Variants in EIPR1 observed in about 807,000 individuals in gnomAD.
EIPR1 encodes the protein EARP complex and GARP complex interacting protein 1.
EIPR1 carries 25 observed loss-of-function variants against 48.1 expected under a neutral mutation model. That is an observed-to-expected ratio of 0.52 (90% confidence interval 0.38 to 0.73). EIPR1 has a LOEUF of 0.73. Ranked by LOEUF, EIPR1 falls within the 30% of genes least tolerant of loss-of-function variation. The pLI is 0.00. For missense variants in EIPR1, 415 were observed against 506.2 expected (o/e 0.82, Z 1.73); for synonymous variants, 204 against 201.9 (o/e 1.01, Z -0.09).
intron 4 of EIPR1, 42 bp from the exon 5 acceptor site, chr2:3,214,290 A>C (rs1665555092): frequency 6.4e-7 from 1 of 1,568,220 alleles, no homozygotes; most frequent in African/African-American, 1.3e-5. Flanking sequence ...TAAACATTTG[A>C]GATACCCAGG....
chr2:3,369,298 C>A (rs1027820467), intron 1 of EIPR1, among the ~76,000 whole-genome samples: 2 of 152,222 alleles, frequency 1.3e-5, no homozygotes, highest in African/African-American at 2.4e-5. Context: ...GAGCTCCCAG[C>A]GTGAGCAACG....
intron 3 of EIPR1, among the ~76,000 whole-genome samples, chr2:3,326,896 A>C (rs1669714105): frequency 6.6e-6 from 1 of 152,254 alleles, no homozygotes; most frequent in Non-Finnish European, 1.5e-5. Flanking sequence ...GCTATGATGT[A>C]GCAAAATGGC....
At chr2:3,295,614 CA>C (rs1668546217) in intron 3 of EIPR1, among the ~76,000 whole-genome samples, 1 of 116,916 alleles carries the variant, frequency 8.6e-6, no homozygotes, top group African/African-American at 3.4e-5. Flanking sequence ...CACCCTCCAT[CA>C]AGCCCATCCT....
chr2:3,282,253 G>C (rs1051671699), intron 3 of EIPR1, among the ~76,000 whole-genome samples: 7 of 152,218 alleles, frequency 4.6e-5, no homozygotes, highest in African/African-American at 1.7e-4. Context: ...CCTCTGTGCA[G>C]CTTGCACAGA....
intron 3 of EIPR1, among the ~76,000 whole-genome samples, chr2:3,276,380 C>T (rs1667850163): frequency 6.6e-6 from 1 of 152,226 alleles, no homozygotes; most frequent in Admixed American, 6.5e-5. Flanking sequence ...TCTGAAATTT[C>T]CTTTCATGAA....
At chr2:3,219,066 C>G (rs974580288) in intron 4 of EIPR1, among the ~76,000 whole-genome samples, 1 of 149,752 alleles carries the variant, frequency 6.7e-6, no homozygotes, top group Non-Finnish European at 1.5e-5. Context: ...ACACCCAACA[C>G]GGCCCTGGTA....
At chr2:3,298,321 C>G (rs1358057621) in intron 3 of EIPR1, 2 of 152,116 alleles carry the variant, frequency 1.3e-5, no homozygotes, top group African/African-American at 4.8e-5. Flanking sequence ...AGCTTTAAAA[C>G]AAGATTTGAA....
intron 1 of EIPR1, among the ~76,000 whole-genome samples, chr2:3,360,797 C>T (rs1670834174): frequency 6.6e-6 from 1 of 152,116 alleles, no homozygotes; most frequent in African/African-American, 2.4e-5. Context: ...AGGGCAGACA[C>T]AGGCCAGGAG....
At chr2:3,373,632 C>T (rs1280219438) in intron 1 of EIPR1, among the ~76,000 whole-genome samples, 2 of 152,124 alleles carry the variant, frequency 1.3e-5, no homozygotes, top group African/African-American at 4.8e-5. Flanking sequence ...TTCACAATTG[C>T]TTCAAAGAGA....
chr2:3,299,427 T>G (rs10865537), intron 3 of EIPR1, among the ~76,000 whole-genome samples: 50,655 of 151,914 alleles, frequency 0.33, 8,539 homozygotes, highest in Non-Finnish European at 0.35. Context: ...GGATGCCACA[T>G]GGATGTGATC....
intron 5 of EIPR1, among the ~76,000 whole-genome samples, chr2:3,209,917 C>T (rs758339710): frequency 5.3e-5 from 8 of 152,082 alleles, no homozygotes; most frequent in Non-Finnish European, 7.3e-5. Context: ...TTTTTAGGGC[C>T]GTGAAACAAT....
Position 3,286,819 on chromosome 2 carries a change from G to A in EIPR1, c.260-29364C>T, listed in dbSNP as rs527938454. Among the ~76,000 whole-genome samples, 12 of 152,334 alleles carry A rather than the reference G, an allele frequency of 7.9e-5. No individual in the cohort carries two copies. The highest frequency in any genetic ancestry group is 2.9e-4 in the African/African-American group (12 of 41,590). On this transcript the variant is annotated intron_variant, in intron 3 of 8. Transcript: ENST00000382125. The surrounding 1 kb of genome is among the most constrained non-coding windows in gnomAD (Gnocchi z 4.2). ...CAAGGCTTGGAGAGTTGAAGCCACC[G>A]TCCAAGAACACACCAGAGTGCCAGC... is the stretch of plus-strand genomic sequence containing the variant.
chr2:3,255,830 T>TAC (rs1667138111), intron 4 of EIPR1, among the ~76,000 whole-genome samples: 1 of 8,390 alleles, frequency 1.2e-4, no homozygotes, highest in East Asian at 0.25. Context: ...TGTGCACACA[T>TAC]ACGTGTGCAC....
chr2:3,320,553 A>C (rs1302832901), intron 3 of EIPR1: 3 of 152,334 alleles, frequency 2.0e-5, no homozygotes, highest in Non-Finnish European at 4.4e-5. Context: ...TTATTAGACC[A>C]GGCAGCAATG....
intron 3 of EIPR1, among the ~76,000 whole-genome samples, chr2:3,325,956 G>A (rs935767336): frequency 1.3e-5 from 2 of 152,252 alleles, no homozygotes; most frequent in African/African-American, 2.4e-5. Flanking sequence ...TCAGTGAGCC[G>A]TGAGGGCGGA....
intron 1 of EIPR1, among the ~76,000 whole-genome samples, chr2:3,367,030 G>A (rs1572489640): frequency 6.6e-6 from 1 of 151,258 alleles, no homozygotes; most frequent in East Asian, 1.9e-4. Flanking sequence ...GGGCCACACA[G>A]CGAGACTCTG....
intron 4 of EIPR1, among the ~76,000 whole-genome samples, chr2:3,215,335 G>A (rs758218271): frequency 6.6e-6 from 1 of 152,204 alleles, no homozygotes. Flanking sequence ...AGTACTGGAC[G>A]AGATGGGAGG....
intron 8 of EIPR1, among the ~76,000 whole-genome samples, chr2:3,190,394 A>G (rs1256149568): frequency 1.3e-5 from 2 of 152,198 alleles, no homozygotes; most frequent in Admixed American, 6.5e-5. Flanking sequence ...CAGAACTCGC[A>G]TGGTCTCTGG....
intron 1 of EIPR1, among the ~76,000 whole-genome samples, chr2:3,365,826 A>G (rs1047141388): frequency 1.3e-5 from 2 of 151,988 alleles, no homozygotes; most frequent in Admixed American, 6.6e-5. Flanking sequence ...TCAACAGGAT[A>G]AGAATTTTTC....
Sources: allele counts gnomAD v4.1 joint callset (sites outside exome capture counted in the v4.1 genomes callset), GRCh38; gene constraint gnomAD v4.1.1; non-coding constraint Gnocchi (gnomAD v3.1); transcripts MANE v1.5; gene names NCBI Gene and HGNC (gene_info 2026-07-23, HGNC 2026-07-21).